Variants in KIF26B observed in about 807,000 individuals in gnomAD.
KIF26B encodes the protein kinesin-like protein KIF26B.
KIF26B carries 63 observed loss-of-function variants against 151.2 expected under a neutral mutation model. That is an observed-to-expected ratio of 0.42 (90% confidence interval 0.34 to 0.51). KIF26B has a LOEUF of 0.51. KIF26B is among the 20% of genes least tolerant of loss of function. The pLI is 0.07. For synonymous variants in KIF26B, 1,357 were observed against 1,262.1 expected, an observed-to-expected ratio of 1.08 and a Z score of -1.59; for missense variants, 2,813 against 2,913.6, an observed-to-expected ratio of 0.97 and a Z score of 0.79.
intron 2 of KIF26B, among the ~76,000 whole-genome samples, chr1:245,314,730 G>T (rs776350863): frequency 6.6e-5 from 10 of 152,180 alleles, no homozygotes; most frequent in Non-Finnish European, 1.5e-4. Flanking sequence ...TACCTGTATG[G>T]TGCCCTCCAT....
intron 3 of KIF26B, among the ~76,000 whole-genome samples, chr1:245,384,340 G>A (rs1244603436): frequency 6.6e-6 from 1 of 152,158 alleles, no homozygotes; most frequent in Non-Finnish European, 1.5e-5. Flanking sequence ...TATATGCCAG[G>A]CACTGTGCTG....
At chr1:245,694,936 C>G (rs896148307) in intron 12 of KIF26B, among the ~76,000 whole-genome samples, 4 of 152,322 alleles carry the variant, frequency 2.6e-5, no homozygotes, top group South Asian at 4.1e-4. Flanking sequence ...GGAGCCCAAC[C>G]CACCGGCGTC....
At position 245,409,480 on chromosome 1, in the gene KIF26B, T is replaced by C. The variant is rs543668006; in HGVS notation, c.1000-10099T>C. Among the ~76,000 whole-genome samples the C allele has an allele frequency of 7.9e-5, 12 of 152,306 alleles. No individual in the cohort carries two copies. The South Asian group carries it at 2.5e-3, about 32-fold the overall frequency. ...CTCTTCTGTTTGCAGAGTCTCATCATGCAAGGCAGAGTGCTGGAGGTAGGG... is the reference window on the plus strand; with the variant it reads ...CTCTTCTGTTTGCAGAGTCTCATCACGCAAGGCAGAGTGCTGGAGGTAGGG... On this transcript the variant is annotated intron_variant, in intron 3 of 14. Transcript: ENST00000407071.
intron 2 of KIF26B, among the ~76,000 whole-genome samples, chr1:245,294,115 C>G (rs553674382): frequency 6.6e-6 from 1 of 152,096 alleles, no homozygotes; most frequent in African/African-American, 2.4e-5. Context: ...GCTGTGTACA[C>G]GGAGTCTATG....
At chr1:245,289,418 A>G (rs529552042) in intron 2 of KIF26B, among the ~76,000 whole-genome samples, 2 of 152,192 alleles carry the variant, frequency 1.3e-5, no homozygotes, top group Non-Finnish European at 2.9e-5. Context: ...CATCTAATAA[A>G]CATTTATTAT....
intron 2 of KIF26B, among the ~76,000 whole-genome samples, chr1:245,320,195 G>A (rs1671861715): frequency 6.6e-6 from 1 of 152,202 alleles, no homozygotes; most frequent in Non-Finnish European, 1.5e-5. Context: ...AATGTGCCGT[G>A]CACACCACAC....
intron 2 of KIF26B, among the ~76,000 whole-genome samples, chr1:245,259,214 T>C (rs992444245): frequency 1.3e-5 from 2 of 152,204 alleles, no homozygotes; most frequent in African/African-American, 4.8e-5. Flanking sequence ...TGTACATTAT[T>C]ATCTCTTCAT....
At chr1:245,588,756 G>A (rs941926447) in intron 5 of KIF26B, among the ~76,000 whole-genome samples, 2 of 152,132 alleles carry the variant, frequency 1.3e-5, no homozygotes, top group African/African-American at 2.4e-5. Flanking sequence ...CCTGCCCCTC[G>A]CTGGCTCAGG....
chr1:245,382,158 G>A (rs755352612), intron 3 of KIF26B, among the ~76,000 whole-genome samples: 11 of 152,128 alleles, frequency 7.2e-5, no homozygotes, highest in Non-Finnish European at 1.6e-4. Flanking sequence ...GTTTTCCATA[G>A]TAGCGGCCCC....
intron 2 of KIF26B, among the ~76,000 whole-genome samples, chr1:245,188,881 A>G (rs1669046810): frequency 6.6e-6 from 1 of 152,212 alleles, no homozygotes; most frequent in South Asian, 2.1e-4. Flanking sequence ...TCAGAAAAGG[A>G]GTGAAATTCT....
intron 9 of KIF26B, among the ~76,000 whole-genome samples, chr1:245,618,003 G>T (rs1470122202): frequency 6.6e-6 from 1 of 151,998 alleles, no homozygotes; most frequent in Non-Finnish European, 1.5e-5. Flanking sequence ...CCCCCTCAGT[G>T]GTCTTTTCAT....
At chr1:245,583,735 T>G (rs1553291943) in intron 5 of KIF26B, among the ~76,000 whole-genome samples, 2 of 152,170 alleles carry the variant, frequency 1.3e-5, no homozygotes, top group Non-Finnish European at 2.9e-5. Flanking sequence ...CACCTCACTT[T>G]CGGTGTGTCA....
intron 2 of KIF26B, among the ~76,000 whole-genome samples, chr1:245,331,261 A>G (rs370616513): frequency 6.6e-6 from 1 of 152,066 alleles, no homozygotes; most frequent in African/African-American, 2.4e-5. Flanking sequence ...TCCCAGCGCC[A>G]CGGTGCCAAG....
intron 12 of KIF26B, among the ~76,000 whole-genome samples, chr1:245,691,803 C>T (rs1379886177): frequency 6.6e-6 from 1 of 152,196 alleles, no homozygotes; most frequent in Non-Finnish European, 1.5e-5. Flanking sequence ...CATGTAACAG[C>T]AGAAACGACC....
chr1:245,589,070 G>T (rs929273887), intron 5 of KIF26B, among the ~76,000 whole-genome samples: 1 of 152,142 alleles, frequency 6.6e-6, no homozygotes, highest in East Asian at 1.9e-4. Context: ...TATACGTCGG[G>T]CTCTTAAGAA....
intron 3 of KIF26B, among the ~76,000 whole-genome samples, chr1:245,378,475 T>C (rs1208121031): frequency 2.6e-4 from 39 of 152,114 alleles, no homozygotes; most frequent in Admixed American, 2.6e-3. Context: ...GAGAGAAGAT[T>C]GCCTAGATGT....
rs576913756 is a variant in KIF26B, at chr1:245,453,715, G to C, written c.1166+33970G>C. On this transcript the variant is annotated intron_variant, in intron 4 of 14. Coordinates refer to ENST00000407071, the MANE Select transcript of KIF26B (RefSeq NM_018012.4). ...ATGGATTCTGCCTTGTCTGTTATCA[G>C]GATTACAAACGATAGGGGAAAAGAT... is the stretch of plus-strand genomic sequence containing the variant. Among the ~76,000 whole-genome samples, 3 of 152,138 alleles carry C rather than the reference G, an allele frequency of 2.0e-5. No individual in the cohort carries two copies. In the East Asian group the frequency reaches 5.8e-4, roughly 29 times the overall value.
chr1:245,680,494 C>T (rs1457808558), intron 10 of KIF26B, among the ~76,000 whole-genome samples: 1 of 152,054 alleles, frequency 6.6e-6, no homozygotes, highest in Non-Finnish European at 1.5e-5. Flanking sequence ...AACATTTTAC[C>T]ATGTGATTGA....
intron 2 of KIF26B, among the ~76,000 whole-genome samples, chr1:245,229,864 G>A (rs1669955504): frequency 6.6e-6 from 1 of 152,222 alleles, no homozygotes; most frequent in Non-Finnish European, 1.5e-5. Context: ...GCCGGGTTCG[G>A]TGGCTCACGC....
Sources: allele counts gnomAD v4.1 joint callset (sites outside exome capture counted in the v4.1 genomes callset), GRCh38; gene constraint gnomAD v4.1.1; transcripts MANE v1.5; gene names NCBI Gene and HGNC (gene_info 2026-07-23, HGNC 2026-07-21).